PARD3B: variants seen among roughly 807,000 people sequenced by gnomAD.
The protein encoded by PARD3B is partitioning defective 3 homolog B.
Under a neutral mutation model 130.2 loss-of-function variants are expected in PARD3B, and 103 were observed. The observed-to-expected ratio is 0.79, with a 90% CI of 0.67 to 0.93. The LOEUF (loss-of-function observed/expected upper bound fraction) is 0.93. Ranked by LOEUF, PARD3B falls within the 40% of genes least tolerant of loss-of-function variation. The pLI is 0.00. For missense variants in PARD3B, 1,609 were observed against 1,499.2 expected, an observed-to-expected ratio of 1.07 and a Z score of -1.21; for synonymous variants, 583 against 553.2, an observed-to-expected ratio of 1.05 and a Z score of -0.76.
intron 20 of PARD3B, among the ~76,000 whole-genome samples, chr2:205,449,565 A>T (rs898973982): frequency 1.3e-5 from 2 of 152,134 alleles, no homozygotes; most frequent in Admixed American, 6.5e-5. Flanking sequence ...TTTCGTAAAT[A>T]ATGTGTCCAT....
intron 1 of PARD3B, among the ~76,000 whole-genome samples, chr2:204,679,085 A>G (rs1180763495): frequency 1.3e-5 from 2 of 152,080 alleles, no homozygotes; most frequent in Non-Finnish European, 2.9e-5. Flanking sequence ...TTTTTATGCA[A>G]TTTCATGTTG....
rs188421930 is a variant in PARD3B at position 205,619,929 on chromosome 2, A to C, written c.*4116A>C. 1 of 152,312 alleles carries C rather than the reference A, an allele frequency of 6.6e-6. No homozygotes were observed. The highest frequency in any genetic ancestry group is 2.4e-5 in the African/African-American group (1 of 41,568). 9.4% of individuals were successfully genotyped at this position (152,312 alleles called of 1,614,324 possible). A position where few individuals can be genotyped will look rare whatever the true frequency, so the allele number is the denominator to read the frequency against. Reference sequence around the variant, plus strand: ...TAAAACAAAACCTGTTGTTTGTACCATCACTTTTTCTGGTGTTTCCTGTGC... The same window carrying C: ...TAAAACAAAACCTGTTGTTTGTACCCTCACTTTTTCTGGTGTTTCCTGTGC... On this transcript the variant is annotated 3_prime_UTR_variant, in exon 23 of 23. Transcript: ENST00000406610.
Position 204,613,195 on chromosome 2 carries a change from G to A in PARD3B, c.120+67076G>A, listed in dbSNP as rs997334344. 5.3e-5 allele frequency among the ~76,000 whole-genome samples: 8 copies of A among 152,216 alleles called. No individual in the cohort carries two copies. The East Asian group carries it at 9.6e-4, about 18-fold the overall frequency. On this transcript the variant is annotated intron_variant, in intron 1 of 22. Transcript: ENST00000406610. Reference sequence around the variant, plus strand: ...TTTTTTGACATTTATGTCTGAAAATGTCTATTCTTTACTCATGCTTTATTA... The same window carrying A: ...TTTTTTGACATTTATGTCTGAAAATATCTATTCTTTACTCATGCTTTATTA...
At chr2:204,996,656 A>C (rs930217653) in intron 3 of PARD3B, among the ~76,000 whole-genome samples, 94 of 149,700 alleles carry the variant, frequency 6.3e-4, no homozygotes, top group Admixed American at 1.4e-3. Context: ...AAGCCTGGGC[A>C]ATGGCGGGCG....
chr2:204,578,393 G>A (rs2032377887), intron 1 of PARD3B, among the ~76,000 whole-genome samples: 2 of 152,240 alleles, frequency 1.3e-5, no homozygotes, highest in Admixed American at 1.3e-4. Context: ...ATATAGCTGG[G>A]CTTGAGGTAT....
chr2:205,380,946 T>TATATAAATAATATATATA lies in PARD3B; in HGVS notation c.2631-20061_2631-20060insATAATATATATAATATAA, dbSNP rs1559035067. 4.7e-3 allele frequency among the ~76,000 whole-genome samples: 331 copies of TATATAAATAATATATATA among 70,564 alleles called. 31 individuals are homozygous for TATATAAATAATATATATA. The highest frequency in any genetic ancestry group is 0.026 in the African/African-American group (315 of 12,056). 46.3% of individuals were successfully genotyped at this position (70,564 alleles called of 152,430 possible). ...TATAATATATAAAGAATATATATAA[T>TATATAAATAATATATATA]ATATAATGTATATAATATCTAAAGA... is the stretch of plus-strand genomic sequence containing the variant. On this transcript the variant is annotated intron_variant, in intron 18 of 22. Transcript: ENST00000406610.
chr2:204,860,125 T>C (rs1387390143), intron 2 of PARD3B, among the ~76,000 whole-genome samples: 2 of 152,090 alleles, frequency 1.3e-5, no homozygotes, highest in East Asian at 3.8e-4. Context: ...AAGAATACAT[T>C]ATAAAAACAA....
At chr2:205,220,851 G>C (rs2038199539) in intron 15 of PARD3B, among the ~76,000 whole-genome samples, 1 of 152,112 alleles carries the variant, frequency 6.6e-6, no homozygotes, top group Admixed American at 6.6e-5. Context: ...TTGAGGAGGG[G>C]CATGGTTTGC....
At chr2:204,857,188 C>A (rs930857240) in intron 2 of PARD3B, among the ~76,000 whole-genome samples, 3 of 152,154 alleles carry the variant, frequency 2.0e-5, no homozygotes, top group African/African-American at 7.2e-5. Flanking sequence ...CTTTGAGCAT[C>A]TTTTTTCAAC....
At chr2:204,583,391 C>T (rs554021631) in intron 1 of PARD3B, among the ~76,000 whole-genome samples, 68 of 107,372 alleles carry the variant, frequency 6.3e-4, no homozygotes, top group Admixed American at 2.6e-3. Flanking sequence ...AACCAAACAC[C>T]GCATATTCTC....
chr2:205,544,272 A>G (rs2052290871), intron 21 of PARD3B, among the ~76,000 whole-genome samples: 1 of 151,596 alleles, frequency 6.6e-6, no homozygotes, highest in Non-Finnish European at 1.5e-5. Flanking sequence ...TCTTTTCATC[A>G]GACCTTTGTC....
rs573696405 is a variant in PARD3B, at chr2:204,574,275, T to C, written c.120+28156T>C. 5.3e-5 allele frequency among the ~76,000 whole-genome samples: 8 copies of C among 152,318 alleles called. No homozygotes were observed. The East Asian group carries it at 1.3e-3, about 26-fold the overall frequency. On this transcript the variant is annotated intron_variant, in intron 1 of 22. Coordinates refer to ENST00000406610, the MANE Select transcript of PARD3B (RefSeq NM_001302769.2). Reference sequence around the variant, plus strand: ...TTATTATCATTTATGTTCTATCTCCTTCTAAAAGAAATTATGACAAAGTTT... The same window carrying C: ...TTATTATCATTTATGTTCTATCTCCCTCTAAAAGAAATTATGACAAAGTTT...
In PARD3B at chr2:204,550,365, G is replaced by A. The variant is rs139280184; in HGVS notation, c.120+4246G>A. ...TTTTTCTAAATATTTTTGATCTGGG[G>A]TTTGGTTGAATCCGCAGATGCGGAA... On this transcript the variant is annotated intron_variant, in intron 1 of 22. Coordinates refer to ENST00000406610, the MANE Select transcript of PARD3B (RefSeq NM_001302769.2). 6.7e-4 allele frequency among the ~76,000 whole-genome samples: 102 copies of A among 151,858 alleles called. 1 individual carries two copies. Among genetic ancestry groups the A allele is most frequent in the African/African-American group, 2.3e-3 (94 of 41,398 alleles).
At chr2:204,572,747 A>G (rs912955513) in intron 1 of PARD3B, among the ~76,000 whole-genome samples, 1 of 152,206 alleles carries the variant, frequency 6.6e-6, no homozygotes, top group African/African-American at 2.4e-5. Flanking sequence ...AAAGCTAACT[A>G]TTCATTTATG....
rs2041132592 is a variant in PARD3B, at chr2:205,280,155, C to G, written c.2186-20375C>G. On this transcript the variant is annotated intron_variant, in intron 16 of 22. Coordinates refer to ENST00000406610, the MANE Select transcript of PARD3B (RefSeq NM_001302769.2). The surrounding 1 kb of genome is among the most constrained non-coding windows in gnomAD (Gnocchi z 4.7). Reference sequence around the variant, plus strand: ...TGACATAAATAGCTCTCATATAATACCTTTCAGGGAAAAAAATTGCTTTAG... The same window carrying G: ...TGACATAAATAGCTCTCATATAATAGCTTTCAGGGAAAAAAATTGCTTTAG... Among the ~76,000 whole-genome samples, 1 of 152,100 alleles carries G rather than the reference C, an allele frequency of 6.6e-6. No homozygotes were observed. The highest frequency in any genetic ancestry group is 1.5e-5 in the Non-Finnish European group (1 of 68,014).
chr2:204,787,158 A>G (rs182869819), intron 2 of PARD3B, among the ~76,000 whole-genome samples: 1 of 151,370 alleles, frequency 6.6e-6, no homozygotes, highest in Non-Finnish European at 1.5e-5. Flanking sequence ...TACACAACTC[A>G]GAGTGCTGCC....
intron 11 of PARD3B, among the ~76,000 whole-genome samples, chr2:205,171,055 T>C (rs535822129): frequency 6.6e-6 from 1 of 152,308 alleles, no homozygotes; most frequent in African/African-American, 2.4e-5. Flanking sequence ...TCTGAAAATA[T>C]AAATCTTAAA....
chr2:204,716,773 C>A (rs1329804417), intron 2 of PARD3B, among the ~76,000 whole-genome samples: 2 of 151,874 alleles, frequency 1.3e-5, no homozygotes, highest in African/African-American at 4.8e-5. Flanking sequence ...CAGGCGCCCG[C>A]CACCACGCCT....
intron 2 of PARD3B, among the ~76,000 whole-genome samples, chr2:204,891,436 A>G (rs533388705): frequency 1.3e-5 from 2 of 152,296 alleles, no homozygotes; most frequent in East Asian, 3.9e-4. Context: ...TGAAGACGGC[A>G]ACCGCAGCAG....
Sources: gnomAD v4.1 joint callset for allele counts (sites outside exome capture counted in the v4.1 genomes callset) on GRCh38, gnomAD v4.1.1 for gene constraint, Gnocchi (gnomAD v3.1) non-coding constraint, MANE v1.5 for transcripts, NCBI Gene and HGNC (gene_info 2026-07-23, HGNC 2026-07-21) for gene names.